The following CASTOR2 variants were observed in gnomAD, a reference collection of about 807,000 sequenced individuals.
CASTOR2 encodes cytosolic arginine sensor for mTORC1 subunit 2.
Under a neutral mutation model 31.2 loss-of-function variants are expected in CASTOR2, and 8 were observed. The ratio of observed to expected loss-of-function variants is 0.26; its 90% CI spans 0.15 to 0.46. The LOEUF is 0.46. Ranked by LOEUF, CASTOR2 falls within the 20% of genes least tolerant of loss-of-function variation. CASTOR2 has a pLI of 0.99. For missense variants in CASTOR2, 216 were observed against 382.1 expected (o/e 0.57, Z 3.62); for synonymous variants, 162 against 158.7 (o/e 1.02, Z -0.16).
At chr7:74,991,018 A>G (rs1804197279) in intron 1 of CASTOR2, among the ~76,000 whole-genome samples, 3 of 150,244 alleles carry the variant, frequency 2.0e-5, no homozygotes, top group African/African-American at 4.9e-5. Flanking sequence ...GGCTGCAGTG[A>G]ACTGTGATTG....
intron 1 of CASTOR2, among the ~76,000 whole-genome samples, chr7:74,996,941 G>A (rs1211169425): frequency 2.0e-5 from 3 of 150,218 alleles, no homozygotes; most frequent in Admixed American, 1.3e-4. Flanking sequence ...CACCATGTTG[G>A]CCAGGTTGGT....
intron 2 of CASTOR2, among the ~76,000 whole-genome samples, chr7:75,015,337 A>G (rs1207632287): frequency 6.6e-6 from 1 of 152,164 alleles, no homozygotes; most frequent in African/African-American, 2.4e-5. Flanking sequence ...TGGTGCGGTC[A>G]TAGCTCACTG....
intron 1 of CASTOR2, among the ~76,000 whole-genome samples, chr7:74,998,129 C>T (rs1164412132): frequency 2.0e-5 from 3 of 152,132 alleles, no homozygotes; most frequent in African/African-American, 2.4e-5. Flanking sequence ...AGCCCCGGCT[C>T]GGCAGACCCC....
chr7:74,971,144 C>T (rs1361947330), intron 1 of CASTOR2, among the ~76,000 whole-genome samples: 4 of 145,096 alleles, frequency 2.8e-5, no homozygotes, highest in African/African-American at 7.7e-5. Flanking sequence ...TACAGGCACC[C>T]ACCACCATGC....
chr7:75,013,725 T>G (rs1554439684), intron 2 of CASTOR2, among the ~76,000 whole-genome samples: 1 of 152,014 alleles, frequency 6.6e-6, no homozygotes. Context: ...ATGTGTATAT[T>G]CCGATTTTTT....
chr7:75,012,315 G>C (rs1171689131), intron 2 of CASTOR2, among the ~76,000 whole-genome samples: 4 of 151,934 alleles, frequency 2.6e-5, no homozygotes, highest in African/African-American at 4.8e-5. Context: ...TTGTTTGCTT[G>C]CTTTTCTCGA....
intron 1 of CASTOR2, among the ~76,000 whole-genome samples, chr7:75,000,251 GCTA>G (rs1350158236): frequency 6.6e-6 from 1 of 152,268 alleles, no homozygotes; most frequent in East Asian, 1.9e-4. Context: ...ATGCATGAAT[GCTA>G]CTATTAGCCA....
At chr7:74,997,447 T>G (rs1804379214) in intron 1 of CASTOR2, among the ~76,000 whole-genome samples, 1 of 151,696 alleles carries the variant, frequency 6.6e-6, no homozygotes, top group African/African-American at 2.4e-5. Context: ...CTTTTTTTTT[T>G]TTTTTGAGAC....
chr7:75,022,053 G>A, intron 7 of CASTOR2, 97 bp downstream of exon 7: 2 of 1,402,502 alleles, frequency 1.4e-6, no homozygotes, highest in Non-Finnish European at 2.0e-6. Context: ...CTGCTGGGGG[G>A]TACAGATGGG....
chr7:75,022,280 A>G (rs1805024446), intron 7 of CASTOR2, among the ~76,000 whole-genome samples: 1 of 151,554 alleles, frequency 6.6e-6, no homozygotes, highest in African/African-American at 2.4e-5. Flanking sequence ...CGAGGTGGAA[A>G]GATCCATTGA....
At position 74,991,026 on chromosome 7, in the gene CASTOR2, T is replaced by G. The variant is rs1329893798; in HGVS notation, c.114-16968T>G. On this transcript the variant is annotated intron_variant, in intron 1 of 8. Coordinates refer to ENST00000616305, the MANE Select transcript of CASTOR2 (RefSeq NM_001145064.3). ...AGTTAGAGGCTGCAGTGAACTGTGA[T>G]TGGTGCCATTGCACTCCAGCCTGGG... 2.4e-4 allele frequency among the ~76,000 whole-genome samples: 36 copies of G among 148,546 alleles called. No homozygotes were observed. The Admixed American group carries it at 2.5e-3, about 10-fold the overall frequency.
chr7:75,019,491 G>C (rs71558570), intron 5 of CASTOR2, among the ~76,000 whole-genome samples: 15,840 of 152,108 alleles, frequency 0.1, 951 homozygotes, highest in Middle Eastern at 0.3. Flanking sequence ...ACTAGGCTGA[G>C]GGGGAGACAC....
Position 75,030,504 on chromosome 7 carries a change from A to G in CASTOR2, c.*5805A>G, listed in dbSNP as rs1211419705. 6.6e-6 allele frequency among the ~76,000 whole-genome samples: 1 copy of G among 152,112 alleles called. No individual in the cohort carries two copies. The highest frequency in any genetic ancestry group is 1.5e-5 in the Non-Finnish European group (1 of 68,030). On this transcript the variant is annotated 3_prime_UTR_variant, in exon 9 of 9. Coordinates refer to ENST00000616305, the MANE Select transcript of CASTOR2 (RefSeq NM_001145064.3). The stretch of plus-strand genomic sequence containing the variant: ...GGGCAAAGGTGTCAGGAACAGTTTG[A>G]GCAGTTCTGGCTCAGGGTCATTCAT...
In CASTOR2 at chr7:74,976,993, C is replaced by T. The variant is rs1270153165; in HGVS notation, c.113+11895C>T. Among the ~76,000 whole-genome samples, 20 of 150,248 alleles carry T rather than the reference C, an allele frequency of 1.3e-4. No homozygotes were observed. The East Asian group carries it at 3.0e-3, about 22-fold the overall frequency. Reference sequence around the variant, plus strand: ...TGAGGTCAGTAGTTCGAGACCAGCCCGGCCAACAAGGTGAAGCCCTGACTC... The same window carrying T: ...TGAGGTCAGTAGTTCGAGACCAGCCTGGCCAACAAGGTGAAGCCCTGACTC... On this transcript the variant is annotated intron_variant, in intron 1 of 8. Transcript: ENST00000616305.
At chr7:75,024,366 G>C in intron 7 of CASTOR2, 74 bp from the exon 8 acceptor site, 1 of 1,434,458 alleles carries the variant, frequency 7.0e-7, no homozygotes, top group South Asian at 1.2e-5. Context: ...CCCACAGAGG[G>C]TAGAGGCTGA....
chr7:74,996,238 C>G (rs1290808836), intron 1 of CASTOR2, among the ~76,000 whole-genome samples: 1 of 152,046 alleles, frequency 6.6e-6, no homozygotes, highest in Non-Finnish European at 1.5e-5. Flanking sequence ...ATGGGGCCAG[C>G]CGAGGGGCCC....
chr7:74,988,548 C>T (rs1350605397), intron 1 of CASTOR2, among the ~76,000 whole-genome samples: 11 of 152,132 alleles, frequency 7.2e-5, no homozygotes, highest in Non-Finnish European at 8.8e-5. Context: ...CTGCCCACTT[C>T]GGCCTCCCAG....
At chr7:74,977,247 C>T (rs1803837084) in intron 1 of CASTOR2, among the ~76,000 whole-genome samples, 1 of 150,712 alleles carries the variant, frequency 6.6e-6, no homozygotes, top group African/African-American at 2.4e-5. Flanking sequence ...AGCCTGCACA[C>T]GGCTGGAAAG....
intron 1 of CASTOR2, among the ~76,000 whole-genome samples, chr7:75,006,962 A>G (rs1804620718): frequency 6.6e-6 from 1 of 152,060 alleles, no homozygotes; most frequent in Admixed American, 6.6e-5. Context: ...ATGAGAACAG[A>G]CAAATACACC....
Sources: allele counts gnomAD v4.1 joint callset (sites outside exome capture counted in the v4.1 genomes callset), GRCh38; gene constraint gnomAD v4.1.1; transcripts MANE v1.5; gene names NCBI Gene and HGNC (gene_info 2026-07-23, HGNC 2026-07-21).